The following NRXN3 variants were observed in gnomAD, a reference collection of about 807,000 sequenced individuals.
NRXN3 encodes neurexin III.
Under a neutral mutation model 137.6 loss-of-function variants are expected in NRXN3, and 32 were observed. The ratio of observed to expected loss-of-function variants is 0.23; its 90% CI spans 0.18 to 0.31. The LOEUF (loss-of-function observed/expected upper bound fraction) is 0.31, where lower values mean the gene tolerates loss of function less well. Among genes scored for constraint, NRXN3 ranks in the 10% least tolerant of loss-of-function variants. NRXN3 has a pLI of 1.00. For missense variants in NRXN3, 1,574 were observed against 2,062.5 expected (o/e 0.76, Z 4.59); for synonymous variants, 798 against 784.5 (o/e 1.02, Z -0.29).
chr14:78,554,931 A>C (rs1185233669), intron 4 of NRXN3, among the ~76,000 whole-genome samples: 1 of 152,068 alleles, frequency 6.6e-6, no homozygotes, highest in Non-Finnish European at 1.5e-5. Flanking sequence ...TGCCCTTCCA[A>C]ATCCCTTATG....
At chr14:78,608,921 G>T (rs188286541) in intron 4 of NRXN3, among the ~76,000 whole-genome samples, 2 of 152,236 alleles carry the variant, frequency 1.3e-5, no homozygotes, top group African/African-American at 4.8e-5. Context: ...TTGGTAAGGT[G>T]GGGGTGGAGA....
intron 3 of NRXN3, among the ~76,000 whole-genome samples, chr14:78,286,722 G>A (rs1232256210): frequency 1.3e-5 from 2 of 152,170 alleles, no homozygotes; most frequent in African/African-American, 2.4e-5. Flanking sequence ...GGCAGAGAGA[G>A]GACCTAGATA....
chr14:79,229,158 A>G (rs1217561281), intron 15 of NRXN3, among the ~76,000 whole-genome samples: 1 of 152,126 alleles, frequency 6.6e-6, no homozygotes, highest in Non-Finnish European at 1.5e-5. Flanking sequence ...TTGAGTAAAC[A>G]TCTTAAATAT....
intron 4 of NRXN3, among the ~76,000 whole-genome samples, chr14:78,513,412 G>A (rs184706313): frequency 4.3e-4 from 66 of 152,242 alleles, no homozygotes; most frequent in African/African-American, 1.4e-3. Flanking sequence ...AAAAGGAAGG[G>A]TAGATTAGAG....
chr14:78,843,852 C>T (rs1461551139), intron 10 of NRXN3, among the ~76,000 whole-genome samples: 2 of 152,062 alleles, frequency 1.3e-5, no homozygotes, highest in Non-Finnish European at 2.9e-5. Context: ...TCTGCATTGA[C>T]ATAAGGAATG....
intron 20 of NRXN3, among the ~76,000 whole-genome samples, chr14:79,829,610 A>G (rs1305288422): frequency 1.3e-5 from 2 of 152,188 alleles, no homozygotes; most frequent in Non-Finnish European, 2.9e-5. Context: ...CGCATGATCA[A>G]TGTGTGCACT....
chr14:78,236,340 A>T (rs1596249920), intron 1 of NRXN3, among the ~76,000 whole-genome samples: 1 of 152,230 alleles, frequency 6.6e-6, no homozygotes, highest in Admixed American at 6.5e-5. Flanking sequence ...AATGAAGCAC[A>T]TACAGTATGT....
chr14:79,765,604 T>A (rs2099053229), intron 19 of NRXN3, among the ~76,000 whole-genome samples: 1 of 152,214 alleles, frequency 6.6e-6, no homozygotes. Context: ...GATTGCTCAT[T>A]TATTTGCTAC....
intron 16 of NRXN3, among the ~76,000 whole-genome samples, chr14:79,648,410 C>T (rs913421054): frequency 3.0e-5 from 4 of 134,828 alleles, no homozygotes; most frequent in African/African-American, 9.8e-5. Context: ...TCTAGCTGTT[C>T]ACGAGAGATC....
At chr14:78,717,115 T>A (rs547136768) in intron 8 of NRXN3, among the ~76,000 whole-genome samples, 5 of 152,186 alleles carry the variant, frequency 3.3e-5, no homozygotes, top group Non-Finnish European at 5.9e-5. Context: ...ATAAAGGTCA[T>A]CTCAGACATC....
chr14:78,649,392 C>T, intron 5 of NRXN3: 1 of 386,386 alleles, frequency 2.6e-6, no homozygotes. Flanking sequence ...CCCCTTTTAT[C>T]CTCTTTAGAC....
At chr14:79,592,166 A>C (rs1268990627) in intron 16 of NRXN3, among the ~76,000 whole-genome samples, 2 of 152,192 alleles carry the variant, frequency 1.3e-5, no homozygotes, top group Non-Finnish European at 2.9e-5. Flanking sequence ...TATAAAAATG[A>C]AATGATATAT....
At chr14:78,172,295 G>T (rs2058797977) in intron 1 of NRXN3, among the ~76,000 whole-genome samples, 1 of 152,090 alleles carries the variant, frequency 6.6e-6, no homozygotes, top group Non-Finnish European at 1.5e-5. Flanking sequence ...CTGGAGAACT[G>T]GCTCTTTATT....
chr14:78,802,067 A>G (rs1016281028), intron 8 of NRXN3, among the ~76,000 whole-genome samples: 1 of 152,238 alleles, frequency 6.6e-6, no homozygotes, highest in African/African-American at 2.4e-5. Flanking sequence ...TCAGTGACAG[A>G]TACTGAACCC....
chr14:78,725,902 C>T (rs968564984), intron 8 of NRXN3, among the ~76,000 whole-genome samples: 12 of 152,170 alleles, frequency 7.9e-5, no homozygotes, highest in African/African-American at 2.9e-4. Context: ...GCAATAACTA[C>T]ATAAGATATG....
intron 4 of NRXN3, among the ~76,000 whole-genome samples, chr14:78,603,890 A>G (rs1455912677): frequency 6.6e-6 from 1 of 152,044 alleles, no homozygotes; most frequent in African/African-American, 2.4e-5. Flanking sequence ...TGGATCTCAG[A>G]TTTTTCTGCT....
chr14:79,380,837 G>A (rs560214323), intron 15 of NRXN3, among the ~76,000 whole-genome samples: 4 of 152,190 alleles, frequency 2.6e-5, no homozygotes, highest in South Asian at 4.2e-4. Context: ...TCAGTGTGGC[G>A]ATTCCTCAGG....
intron 15 of NRXN3, among the ~76,000 whole-genome samples, chr14:79,272,137 C>T (rs922615257): frequency 6.6e-5 from 10 of 151,498 alleles, no homozygotes; most frequent in Non-Finnish European, 1.3e-4. Flanking sequence ...TTGTTTATAC[C>T]TTTGTTCTAG....
chr14:79,288,454 C>CA (rs1163851850), intron 15 of NRXN3, among the ~76,000 whole-genome samples: 1 of 152,234 alleles, frequency 6.6e-6, no homozygotes, highest in Non-Finnish European at 1.5e-5. Flanking sequence ...TGTACACCCA[C>CA]TGTGTGACAG....
Sources: gnomAD v4.1 joint callset for allele counts (sites outside exome capture counted in the v4.1 genomes callset) on GRCh38, gnomAD v4.1.1 for gene constraint, MANE v1.5 for transcripts, NCBI Gene and HGNC (gene_info 2026-07-23, HGNC 2026-07-21) for gene names.